PRSS12: variants seen among roughly 807,000 people sequenced by gnomAD.
PRSS12 encodes the protein neurotrypsin.
In PRSS12, 85 loss-of-function variants were observed where a neutral mutation model predicts 104.4. The ratio of observed to expected loss-of-function variants is 0.81; its 90% CI spans 0.68 to 0.98. The LOEUF is 0.98. Ranked by LOEUF, PRSS12 falls within the 50% of genes least tolerant of loss-of-function variation. The probability of loss-of-function intolerance (pLI) is 0.00; values close to 1 mark genes in which losing one functional copy is unlikely to be tolerated. For missense variants in PRSS12, 1,141 were observed against 1,139.2 expected, an observed-to-expected ratio of 1.00 and a Z score of -0.02; for synonymous variants, 454 against 425.2, an observed-to-expected ratio of 1.07 and a Z score of -0.83.
chr4:118,316,565 T>C (rs1432731733), intron 5 of PRSS12, among the ~76,000 whole-genome samples: 1 of 151,290 alleles, frequency 6.6e-6, no homozygotes, highest in Non-Finnish European at 1.5e-5. Flanking sequence ...CTCACTCCTG[T>C]AATCCCAGCA....
At chr4:118,337,204 C>T (rs770001894) in intron 2 of PRSS12, among the ~76,000 whole-genome samples, 31 of 152,128 alleles carry the variant, frequency 2.0e-4, no homozygotes, top group Admixed American at 8.5e-4. Context: ...CATATTACCA[C>T]TCTGATTATT....
chr4:118,285,219 C>G (rs1276446158), intron 11 of PRSS12, among the ~76,000 whole-genome samples: 1 of 152,068 alleles, frequency 6.6e-6, no homozygotes, highest in East Asian at 1.9e-4. Flanking sequence ...AGTTCAGAGG[C>G]TTTTTAATAT....
intron 1 of PRSS12, among the ~76,000 whole-genome samples, chr4:118,340,864 TCTAATCTCAATAGA>T (rs1388607209): frequency 6.6e-6 from 1 of 152,238 alleles, no homozygotes; most frequent in Non-Finnish European, 1.5e-5. Context: ...ATGGGTAGGA[TCTAATCTCAATAGA>T]CTGAGTGGGG....
intron 2 of PRSS12, 101 bp downstream of exon 2, chr4:118,338,075 C>G: frequency 1.4e-6 from 2 of 1,453,750 alleles, no homozygotes; most frequent in Admixed American, 3.6e-5. Context: ...AGGAAAGTGA[C>G]AGTAAGAAAC....
At chr4:118,343,585 C>G (rs980059686) in intron 1 of PRSS12, among the ~76,000 whole-genome samples, 10 of 152,004 alleles carry the variant, frequency 6.6e-5, no homozygotes, top group Non-Finnish European at 8.8e-5. Flanking sequence ...AGCAAGACCC[C>G]ACCTCTACAA....
chr4:118,299,392 T>G (rs1362643284), intron 8 of PRSS12, among the ~76,000 whole-genome samples: 1 of 152,082 alleles, frequency 6.6e-6, no homozygotes, highest in Non-Finnish European at 1.5e-5. Flanking sequence ...AATGTACAAT[T>G]TTTTTAGGCC....
At chr4:118,340,235 G>A (rs1724167968) in intron 1 of PRSS12, among the ~76,000 whole-genome samples, 1 of 152,138 alleles carries the variant, frequency 6.6e-6, no homozygotes, top group Admixed American at 6.5e-5. Flanking sequence ...TTTCTCTAAC[G>A]CTCCAAGCAC....
chr4:118,352,673 G>A lies in PRSS12; in HGVS notation c.48C>T (p.Pro16=), dbSNP rs138698811. 15 of 1,613,226 alleles carry A rather than the reference G, an allele frequency of 9.3e-6. No individual in the cohort carries two copies. The highest frequency in any genetic ancestry group is 1.3e-5 in the Non-Finnish European group (15 of 1,179,564). ...GGACAGAATCAAAGCCGACCACTTCGGGGAGCGCCCCTAACATCAGGGCTA... is the reference window on the plus strand; with the variant it reads ...GGACAGAATCAAAGCCGACCACTTCAGGGAGCGCCCCTAACATCAGGGCTA... The part of the protein sequence containing the change: ...FVLALMLGAL[P]EVVGFDSVLN... The change falls in exon 1 of 13, where the codon CCC becomes CCT. Residue 16 remains proline (P), a synonymous_variant. Transcript: ENST00000296498.
chr4:118,285,782 A>G lies in PRSS12; in HGVS notation c.2040-2671T>C, dbSNP rs577964798. 1.4e-3 allele frequency among the ~76,000 whole-genome samples: 211 copies of G among 152,320 alleles called. 1 individual carries two copies. Among genetic ancestry groups the G allele is most frequent in the Non-Finnish European group, 2.2e-3 (151 of 68,018 alleles). ...ATACACTATGTTAAATATATTATTT[A>G]AAGTACTTTGACCTGTTTGGGTTTT... On this transcript the variant is annotated intron_variant, in intron 11 of 12. Transcript: ENST00000296498.
intron 9 of PRSS12, among the ~76,000 whole-genome samples, chr4:118,296,628 A>G (rs1384791170): frequency 2.0e-5 from 3 of 152,170 alleles, no homozygotes; most frequent in Non-Finnish European, 2.9e-5. Flanking sequence ...CTGTTTTTCT[A>G]TCTAAGAGGA....
rs184769269 is a variant in PRSS12, at chr4:118,310,468, T to C, written c.1490-1891A>G. On this transcript the variant is annotated intron_variant, in intron 7 of 12. Coordinates refer to ENST00000296498, the MANE Select transcript of PRSS12 (RefSeq NM_003619.4). ...TACAAAATCATTAAATTCCTAATTC[T>C]TGAAGGGAAACTGGATGACAAAAGT... is the stretch of plus-strand genomic sequence containing the variant. Among the ~76,000 whole-genome samples, 804 of 152,308 alleles carry C rather than the reference T, an allele frequency of 5.3e-3. 14 individuals carry two copies. The highest frequency in any genetic ancestry group is 0.018 in the African/African-American group (761 of 41,580).
chr4:118,295,913 C>G, intron 9 of PRSS12, 57 bp from the exon 10 acceptor site: 1 of 1,441,878 alleles, frequency 6.9e-7, no homozygotes, highest in African/African-American at 1.4e-5. Flanking sequence ...AGGGGTAAGA[C>G]GATAAGTGAC....
At chr4:118,326,657 T>C (rs1723779051) in intron 4 of PRSS12, among the ~76,000 whole-genome samples, 1 of 152,214 alleles carries the variant, frequency 6.6e-6, no homozygotes, top group South Asian at 2.1e-4. Flanking sequence ...CAGCCCTATA[T>C]TTGTATTTAT....
intron 11 of PRSS12, among the ~76,000 whole-genome samples, chr4:118,287,771 G>A (rs1026316715): frequency 4.6e-5 from 7 of 152,052 alleles, no homozygotes; most frequent in South Asian, 2.1e-4. Flanking sequence ...TGTATTTTAA[G>A]GTCTTTCTAG....
chr4:118,285,928 A>C (rs1489227389), intron 11 of PRSS12, among the ~76,000 whole-genome samples: 1 of 152,186 alleles, frequency 6.6e-6, no homozygotes. Flanking sequence ...TTGCAGCTAA[A>C]CTGGCTGTAT....
In PRSS12 at chr4:118,299,808, T is replaced by TAAAATAAATA. The variant is rs1189816114; in HGVS notation, c.1632-871_1632-870insTATTTATTTT. Among the ~76,000 whole-genome samples the TAAAATAAATA allele has an allele frequency of 2.6e-4, 24 of 91,688 alleles. 1 individual carries two copies. Among genetic ancestry groups the TAAAATAAATA allele is most frequent in the Non-Finnish European group, 4.8e-4 (21 of 43,698 alleles). The allele number at this position is 91,688 out of a possible 152,430, so 60.2% of individuals were successfully genotyped here. A position where few individuals can be genotyped will look rare whatever the true frequency, so the allele number is the denominator to read the frequency against. On this transcript the variant is annotated intron_variant, in intron 8 of 12. Coordinates refer to ENST00000296498, the MANE Select transcript of PRSS12 (RefSeq NM_003619.4). ...ATAAAATAAAATAAATAAAATAAAA[T>TAAAATAAATA]AAATAAAATAAAATAAAATAAAATA... is the stretch of plus-strand genomic sequence containing the variant.
intron 8 of PRSS12, 73 bp from the exon 9 acceptor site, chr4:118,299,011 C>A (rs1490061651): frequency 1.3e-5 from 20 of 1,485,226 alleles, no homozygotes; most frequent in Admixed American, 1.8e-5. Flanking sequence ...AACATGTATT[C>A]AATTTTATTC....
At chr4:118,288,253 C>T (rs1034612389) in intron 11 of PRSS12, among the ~76,000 whole-genome samples, 1 of 152,174 alleles carries the variant, frequency 6.6e-6, no homozygotes, top group Non-Finnish European at 1.5e-5. Context: ...GAGAAGTAAA[C>T]CTCAGTAGAA....
chr4:118,349,342 T>A (rs907423775), intron 1 of PRSS12, among the ~76,000 whole-genome samples: 19 of 151,356 alleles, frequency 1.3e-4, no homozygotes, highest in Admixed American at 1.3e-4. Context: ...AGGCAGAGGT[T>A]GCAGTGCACT....
Sources: allele counts gnomAD v4.1 joint callset (sites outside exome capture counted in the v4.1 genomes callset), GRCh38; gene constraint gnomAD v4.1.1; transcripts MANE v1.5; gene names NCBI Gene and HGNC (gene_info 2026-07-23, HGNC 2026-07-21).